The following PDLIM4 variants were observed in gnomAD, a reference collection of about 807,000 sequenced individuals.
PDLIM4 encodes the protein PDZ and LIM domain 4, also known as PDZ and LIM domain protein 4.
In PDLIM4, 19 loss-of-function variants were observed where a neutral mutation model predicts 31.3. The observed-to-expected ratio is 0.61, with a 90% CI of 0.42 to 0.89. The LOEUF (loss-of-function observed/expected upper bound fraction) is 0.89, where lower values mean the gene tolerates loss of function less well. Ranked by LOEUF, PDLIM4 falls within the 40% of genes least tolerant of loss-of-function variation. The pLI is 0.00. For synonymous variants in PDLIM4, 176 were observed against 190.1 expected, an observed-to-expected ratio of 0.93 and a Z score of 0.61; for missense variants, 442 against 461.1, an observed-to-expected ratio of 0.96 and a Z score of 0.38.
chr5:132,269,864 GGAGGCCAC>G (rs1309608167), intron 3 of PDLIM4, among the ~76,000 whole-genome samples: 1 of 152,192 alleles, frequency 6.6e-6, no homozygotes, highest in Non-Finnish European at 1.5e-5. Context: ...TCTCAGCTAT[GGAGGCCAC>G]TATGGCCATT....
At chr5:132,267,335 C>G (rs1756513116) in intron 3 of PDLIM4, among the ~76,000 whole-genome samples, 1 of 152,234 alleles carries the variant, frequency 6.6e-6, no homozygotes, top group Non-Finnish European at 1.5e-5. Flanking sequence ...GGAGAGGCTT[C>G]ACTGAACCAG....
chr5:132,264,225 CCTT>C (rs1447531777), intron 2 of PDLIM4, among the ~76,000 whole-genome samples: 1 of 152,110 alleles, frequency 6.6e-6, no homozygotes, highest in African/African-American at 2.4e-5. Context: ...AGGTCCCCCT[CCTT>C]CTTTCCTTCC....
chr5:132,263,623 T>A (rs1482286135), intron 2 of PDLIM4, among the ~76,000 whole-genome samples: 3 of 152,166 alleles, frequency 2.0e-5, no homozygotes, highest in Non-Finnish European at 4.4e-5. Flanking sequence ...CCCACCTTGA[T>A]CCACAGAAGT....
At chr5:132,271,754 C>T (rs760600702) in intron 5 of PDLIM4, 37 bp from the exon 6 acceptor site, 8 of 1,396,056 alleles carry the variant, frequency 5.7e-6, no homozygotes, top group Admixed American at 5.0e-5. Flanking sequence ...TTCTGACCTC[C>T]TCACCCCGTT....
rs139173740 is a variant in PDLIM4 at position 132,259,979 on chromosome 5, T to C, written c.93+2152T>C. Among the ~76,000 whole-genome samples, 906 of 152,252 alleles carry C rather than the reference T, an allele frequency of 6.0e-3. 9 individuals are homozygous for C. The highest frequency in any genetic ancestry group is 0.021 in the African/African-American group (868 of 41,530). ...TTATGCCCAGCCTCCTGTGGGGGCTTTACATGCCCTGTTTTTCTCAAATAG... is the reference window on the plus strand; with the variant it reads ...TTATGCCCAGCCTCCTGTGGGGGCTCTACATGCCCTGTTTTTCTCAAATAG... On this transcript the variant is annotated intron_variant, in intron 1 of 6. Coordinates refer to ENST00000253754, the MANE Select transcript of PDLIM4 (RefSeq NM_003687.4).
intron 1 of PDLIM4, among the ~76,000 whole-genome samples, chr5:132,259,389 G>A (rs1378599570): frequency 6.6e-6 from 1 of 152,112 alleles, no homozygotes; most frequent in Non-Finnish European, 1.5e-5. Flanking sequence ...TGCGGCTGCG[G>A]CAGCAGCAGC....
At chr5:132,264,494 A>G (rs13357280) in intron 2 of PDLIM4, among the ~76,000 whole-genome samples, 51,795 of 152,022 alleles carry the variant, frequency 0.34, 10,129 homozygotes, top group Non-Finnish European at 0.45. Context: ...AACTTCCTCA[A>G]CCAAAAATAT....
At chr5:132,266,624 AC>A in intron 3 of PDLIM4, 79 bp downstream of exon 3, 18 of 901,832 alleles carry the variant, frequency 2.0e-5, no homozygotes, top group Non-Finnish European at 3.1e-5. Context: ...GTTCACCTGC[AC>A]TGAATGTCCT....
chr5:132,267,593 G>A (rs952406069), intron 3 of PDLIM4, among the ~76,000 whole-genome samples: 9 of 152,338 alleles, frequency 5.9e-5, no homozygotes, highest in South Asian at 4.1e-4. Flanking sequence ...GGGTATTGAA[G>A]CCAAGACCTG....
intron 1 of PDLIM4, among the ~76,000 whole-genome samples, chr5:132,262,120 T>C (rs1027976004): frequency 6.6e-6 from 1 of 151,910 alleles, no homozygotes; most frequent in Non-Finnish European, 1.5e-5. Context: ...AGAGTGTGGG[T>C]GTGGAGGTGG....
chr5:132,270,841 G>A (rs1756591120), intron 3 of PDLIM4, 74 bp from the exon 4 acceptor site: 1 of 1,338,634 alleles, frequency 7.5e-7, no homozygotes, highest in Non-Finnish European at 1.1e-6. Context: ...CAGCACAGCA[G>A]GGTGGGGGTG....
chr5:132,259,846 A>G (rs999144949), intron 1 of PDLIM4, among the ~76,000 whole-genome samples: 7 of 152,288 alleles, frequency 4.6e-5, no homozygotes, highest in African/African-American at 1.4e-4. Flanking sequence ...CTTCCCCACA[A>G]GCTATAATGA....
chr5:132,270,953 C>G lies in PDLIM4; in HGVS notation c.366C>G (p.Thr122=). Residue 122 remains threonine (T), a synonymous_variant, in exon 4 of 7, where the codon ACC becomes ACG. Transcript: ENST00000253754. The part of the protein sequence containing the change: ...SPTTSRRPSG[T]GTGPEDGRPS... Reference sequence around the variant, plus strand: ...CAACCAGCAGGCGGCCCTCAGGCACCGGGACTGGGCCAGAAGATGGCAGAC... The same window carrying G: ...CAACCAGCAGGCGGCCCTCAGGCACGGGGACTGGGCCAGAAGATGGCAGAC... 1.9e-6 allele frequency: 3 copies of G among 1,614,112 alleles called. No individual in the cohort carries two copies. Among genetic ancestry groups the G allele is most frequent in the Middle Eastern group, 1.7e-4 (1 of 6,060 alleles).
intron 5 of PDLIM4, 110 bp downstream of exon 5, chr5:132,271,576 C>A: frequency 8.2e-7 from 1 of 1,219,940 alleles, no homozygotes; most frequent in Non-Finnish European, 1.2e-6. Context: ...TCTTCGGTCT[C>A]TGCGGCCCGG....
intron 6 of PDLIM4, 23 bp from the exon 7 acceptor site, chr5:132,272,002 T>C (rs1484896178): frequency 6.2e-7 from 1 of 1,611,636 alleles, no homozygotes; most frequent in African/African-American, 1.3e-5. Context: ...CTCGACGCTG[T>C]CCTGTCTCGT....
At chr5:132,258,012 C>T (rs1756283350) in intron 1 of PDLIM4, among the ~76,000 whole-genome samples, 185 bp downstream of exon 1, 1 of 152,192 alleles carries the variant, frequency 6.6e-6, no homozygotes, top group Non-Finnish European at 1.5e-5. Context: ...CCTCCTCCCA[C>T]GCTGGGCCTG....
rs775460028 is a variant in PDLIM4 at position 132,271,048 on chromosome 5, C to G, written c.461C>G (p.Thr154Ser). 6.2e-7 allele frequency: 1 copy of G among 1,614,144 alleles called. No homozygotes were observed. Among genetic ancestry groups the G allele is most frequent in the Non-Finnish European group, 8.5e-7 (1 of 1,179,990 alleles). The change falls in exon 4 of 7, where the codon ACC becomes AGC. Residue 154 changes from threonine to serine, a missense_variant. Thr to Ser is a moderately conservative substitution (Grantham distance 58). Transcript: ENST00000253754. ...CCTCACAATGGCAGCAGCGAGGCCA[C>G]CCTGCCAGCCCAGATGAGCACCCTG... ...PVPHNGSSEATLPAQMSTLHV... is the reference protein window; with the variant it reads ...PVPHNGSSEASLPAQMSTLHV...
chr5:132,264,083 C>A (rs1426030868), intron 2 of PDLIM4, among the ~76,000 whole-genome samples: 1 of 152,176 alleles, frequency 6.6e-6, no homozygotes, highest in African/African-American at 2.4e-5. Context: ...TGACTCACCT[C>A]CAGCCTTGAC....
intron 3 of PDLIM4, among the ~76,000 whole-genome samples, chr5:132,269,595 C>T (rs1469126275): frequency 6.6e-6 from 1 of 151,854 alleles, no homozygotes; most frequent in Non-Finnish European, 1.5e-5. Flanking sequence ...CTGCCTGTTC[C>T]CCAGGTTCCC....
Sources: allele counts gnomAD v4.1 joint callset (sites outside exome capture counted in the v4.1 genomes callset), GRCh38; gene constraint gnomAD v4.1.1; transcripts MANE v1.5; gene names NCBI Gene and HGNC (gene_info 2026-07-23, HGNC 2026-07-21).